Variants in DPYD observed in about 807,000 individuals in gnomAD.
DPYD encodes dihydropyrimidine dehydrogenase [NADP(+)].
A neutral mutation model predicts 116.2 loss-of-function variants in DPYD; 109 were observed. The ratio of observed to expected loss-of-function variants is 0.94; its 90% CI spans 0.80 to 1.10. The LOEUF is 1.10. Among genes scored for constraint, DPYD ranks in the 50% least tolerant of loss-of-function variants. DPYD has a pLI of 0.00. For missense variants in DPYD, 1,302 were observed against 1,254.5 expected, an observed-to-expected ratio of 1.04 and a Z score of -0.57; for synonymous variants, 440 against 432.0, an observed-to-expected ratio of 1.02 and a Z score of -0.23.
intron 1 of DPYD, among the ~76,000 whole-genome samples, chr1:97,912,736 T>C (rs925116053): frequency 1.3e-5 from 2 of 152,112 alleles, no homozygotes; most frequent in Admixed American, 1.3e-4. Context: ...GGAATGAACA[T>C]TTTGTGGTGA....
intron 14 of DPYD, among the ~76,000 whole-genome samples, chr1:97,402,302 G>T (rs1346645153): frequency 6.6e-6 from 1 of 152,086 alleles, no homozygotes; most frequent in Non-Finnish European, 1.5e-5. Flanking sequence ...TTGTCCATCA[G>T]AGTTTTGTAG....
intron 4 of DPYD, among the ~76,000 whole-genome samples, chr1:97,723,040 CAATT>C (rs1663010279): frequency 1.3e-5 from 2 of 151,308 alleles, no homozygotes; most frequent in South Asian, 2.1e-4. Flanking sequence ...AAAAAAGAAA[CAATT>C]AATAATAGCA....
chr1:97,097,031 G>A (rs1185072057), intron 21 of DPYD, among the ~76,000 whole-genome samples: 6 of 152,100 alleles, frequency 3.9e-5, no homozygotes, highest in Admixed American at 6.6e-5. Flanking sequence ...CCACACATTG[G>A]CAAAAAGGCT....
At chr1:97,646,562 T>C (rs1397438372) in intron 8 of DPYD, among the ~76,000 whole-genome samples, 3 of 152,166 alleles carry the variant, frequency 2.0e-5, no homozygotes, top group Non-Finnish European at 2.9e-5. Context: ...TTTTCTTCTT[T>C]TAAATAAAAT....
At chr1:97,469,311 G>A (rs1351245655) in intron 13 of DPYD, among the ~76,000 whole-genome samples, 4 of 140,052 alleles carry the variant, frequency 2.9e-5, no homozygotes, top group Admixed American at 1.6e-4. Context: ...ATAACCAAAG[G>A]CTAAAGAATG....
chr1:97,372,730 T>C (rs1671367363), intron 16 of DPYD, among the ~76,000 whole-genome samples: 1 of 152,084 alleles, frequency 6.6e-6, no homozygotes, highest in African/African-American at 2.4e-5. Flanking sequence ...TCAAATCAAT[T>C]TGATGACTTG....
chr1:97,866,799 A>G (rs2101606223), intron 2 of DPYD, among the ~76,000 whole-genome samples: 1 of 152,006 alleles, frequency 6.6e-6, no homozygotes, highest in Admixed American at 6.6e-5. Context: ...AAAGTAAGGA[A>G]GTGCAGTATG....
At position 97,800,872 on chromosome 1, in the gene DPYD, T is replaced by C. The variant is rs185778397; in HGVS notation, c.233+27242A>G. ...GTTTCTTGGAGCCTCCTTAATACCATTTAATTATTTTTGATTGTTCCAATC... is the reference window on the plus strand; with the variant it reads ...GTTTCTTGGAGCCTCCTTAATACCACTTAATTATTTTTGATTGTTCCAATC... On this transcript the variant is annotated intron_variant, in intron 3 of 22. Coordinates refer to ENST00000370192, the MANE Select transcript of DPYD (RefSeq NM_000110.4). Among the ~76,000 whole-genome samples, 4 of 152,058 alleles carry C rather than the reference T, an allele frequency of 2.6e-5. No individual in the cohort carries two copies. In the East Asian group the frequency reaches 5.8e-4, roughly 22 times the overall value.
intron 16 of DPYD, among the ~76,000 whole-genome samples, chr1:97,363,606 G>A (rs914237329): frequency 6.6e-6 from 1 of 152,138 alleles, no homozygotes; most frequent in African/African-American, 2.4e-5. Flanking sequence ...TATACACCAT[G>A]GATATTATGT....
chr1:97,504,331 C>T (rs1679763105), intron 13 of DPYD, among the ~76,000 whole-genome samples: 1 of 151,938 alleles, frequency 6.6e-6, no homozygotes, highest in African/African-American at 2.4e-5. Flanking sequence ...TGCAACTGTA[C>T]AGCAACTAGC....
intron 13 of DPYD, among the ~76,000 whole-genome samples, chr1:97,495,335 A>C (rs1570835588): frequency 6.6e-6 from 1 of 152,132 alleles, no homozygotes; most frequent in Non-Finnish European, 1.5e-5. Context: ...AGAATACAGA[A>C]ATCAGATTTT....
chr1:97,300,079 C>T (rs1361832413), intron 18 of DPYD, among the ~76,000 whole-genome samples: 2 of 152,040 alleles, frequency 1.3e-5, no homozygotes, highest in Non-Finnish European at 2.9e-5. Flanking sequence ...AAATATAGTA[C>T]ATACATATTT....
chr1:97,633,087 T>C (rs1224014428), intron 8 of DPYD, among the ~76,000 whole-genome samples: 1 of 152,112 alleles, frequency 6.6e-6, no homozygotes, highest in African/African-American at 2.4e-5. Flanking sequence ...AATCACATGC[T>C]ATTGATTAAA....
rs201235952 is a variant in DPYD at position 97,135,523 on chromosome 1, CTG to C, written c.2623-36893_2623-36892del. Among the ~76,000 whole-genome samples the C allele has an allele frequency of 8.6e-3, 1,306 of 152,218 alleles. 23 individuals carry two copies. Among genetic ancestry groups the C allele is most frequent in the African/African-American group, 0.03 (1,227 of 41,526 alleles). Reference sequence around the variant, plus strand: ...CTTCTTGCTTTCTAAATAATTTCTGCTGTGTCTTAAATTTTAAAAATTTTATT... The same window carrying C: ...CTTCTTGCTTTCTAAATAATTTCTGCTGTCTTAAATTTTAAAAATTTTATT... On this transcript the variant is annotated intron_variant, in intron 20 of 22. Coordinates refer to ENST00000370192, the MANE Select transcript of DPYD (RefSeq NM_000110.4).
chr1:97,186,722 G>T (rs917041500), intron 20 of DPYD, among the ~76,000 whole-genome samples: 1 of 152,086 alleles, frequency 6.6e-6, no homozygotes, highest in African/African-American at 2.4e-5. Context: ...GGTGGCAGAC[G>T]CCTGTAATCC....
intron 1 of DPYD, 25 bp from the exon 2 acceptor site, chr1:97,883,399 A>T (rs1672326431): frequency 7.2e-7 from 1 of 1,388,772 alleles, no homozygotes; most frequent in Admixed American, 1.7e-5. Flanking sequence ...AACAATGTGT[A>T]AATATATGGA....
At chr1:97,149,617 CTA>C (rs1165218484) in intron 20 of DPYD, among the ~76,000 whole-genome samples, 1 of 152,128 alleles carries the variant, frequency 6.6e-6, no homozygotes, top group Non-Finnish European at 1.5e-5. Context: ...AACTCGATTT[CTA>C]TAGTAGACAG....
intron 8 of DPYD, among the ~76,000 whole-genome samples, chr1:97,608,102 T>C (rs1655716007): frequency 6.6e-6 from 1 of 151,764 alleles, no homozygotes; most frequent in Non-Finnish European, 1.5e-5. Flanking sequence ...GTTGGACAAG[T>C]ATGAAAAGAA....
At chr1:97,852,119 C>G (rs1670600468) in intron 2 of DPYD, among the ~76,000 whole-genome samples, 1 of 151,426 alleles carries the variant, frequency 6.6e-6, no homozygotes, top group African/African-American at 2.4e-5. Flanking sequence ...GCCATTCAAG[C>G]ATTCAAGGAC....
Sources: allele counts gnomAD v4.1 joint callset (sites outside exome capture counted in the v4.1 genomes callset), GRCh38; gene constraint gnomAD v4.1.1; transcripts MANE v1.5; gene names NCBI Gene and HGNC (gene_info 2026-07-23, HGNC 2026-07-21).